CFAP46: variants seen among roughly 807,000 people sequenced by gnomAD.
CFAP46 encodes the protein cilia- and flagella-associated protein 46.
A neutral mutation model predicts 325.7 loss-of-function variants in CFAP46; 245 were observed. The observed-to-expected ratio is 0.75, with a 90% CI of 0.68 to 0.84. The LOEUF (loss-of-function observed/expected upper bound fraction) is 0.84. Ranked by LOEUF, CFAP46 falls within the 40% of genes least tolerant of loss-of-function variation. The pLI, the probability that CFAP46 is intolerant of heterozygous loss-of-function variation, is 0.00. For missense variants in CFAP46, 3,346 were observed against 3,543.0 expected, an observed-to-expected ratio of 0.94 and a Z score of 1.41; for synonymous variants, 1,523 against 1,495.9, an observed-to-expected ratio of 1.02 and a Z score of -0.42.
intron 29 of CFAP46, among the ~76,000 whole-genome samples, chr10:132,878,962 G>C (rs937233100): frequency 2.6e-5 from 4 of 152,210 alleles, no homozygotes. Context: ...GACAAGGAGG[G>C]GGGTGGGAGT....
rs140904273 is a variant in CFAP46 at position 132,808,823 on chromosome 10, A to G, written c.7746T>C (p.Pro2582=). ...RAPSHHAQLG[P]VWAAAPSHRV... ...GATGGCTTGGTGCGGCAGCCCATACAGGACCAAGTTGAGCGTGGTGGGAAG... is the reference window on the plus strand; with the variant it reads ...GATGGCTTGGTGCGGCAGCCCATACGGGACCAAGTTGAGCGTGGTGGGAAG... Residue 2582 remains proline (P), a synonymous_variant, in exon 58 of 58, where the codon CCT becomes CCC. Coordinates refer to ENST00000368586, the MANE Select transcript of CFAP46 (RefSeq NM_001200049.3). The surrounding 1 kb of genome is among the most constrained non-coding windows in gnomAD (Gnocchi z 6.8). The G allele has an allele frequency of 3.1e-6, 5 of 1,607,510 alleles. No homozygotes were observed. Among genetic ancestry groups the G allele is most frequent in the East Asian group, 2.2e-5 (1 of 44,692 alleles).
chr10:132,824,170 GTGTGAGCGCTGA>G (rs1847974628), intron 50 of CFAP46, among the ~76,000 whole-genome samples: 1 of 141,706 alleles, frequency 7.1e-6, no homozygotes, highest in Non-Finnish European at 1.5e-5. Flanking sequence ...GCTGTGTGCT[GTGTGAGCGCTGA>G]TGTGTGCTGT....
intron 39 of CFAP46, among the ~76,000 whole-genome samples, chr10:132,852,382 A>C (rs111261878): frequency 3.7e-5 from 3 of 81,466 alleles, no homozygotes; most frequent in Non-Finnish European, 8.3e-5. Flanking sequence ...TTACTTAAGA[A>C]TTCTCAGATC....
chr10:132,872,424 AT>A, intron 32 of CFAP46: 1 of 446,166 alleles, frequency 2.2e-6, no homozygotes, highest in African/African-American at 2.0e-5. Flanking sequence ...TGGCTAATAT[AT>A]TTTTTAAATT....
chr10:132,892,144 T>A (rs11597993), intron 25 of CFAP46, among the ~76,000 whole-genome samples, 189 bp downstream of exon 25: 1 of 152,326 alleles, frequency 6.6e-6, no homozygotes, highest in East Asian at 1.9e-4. Flanking sequence ...GGGAATTTCA[T>A]GGGCTCATTC....
At chr10:132,921,826 G>A (rs1472999015) in intron 13 of CFAP46, among the ~76,000 whole-genome samples, 2 of 152,242 alleles carry the variant, frequency 1.3e-5, no homozygotes, top group South Asian at 2.1e-4. Context: ...TTCCAGCCTG[G>A]GGCTGGGAGG....
At chr10:132,867,633 A>G (rs1848836037) in intron 33 of CFAP46, 126 bp from the exon 34 acceptor site, 7 of 1,258,494 alleles carry the variant, frequency 5.6e-6, no homozygotes, top group East Asian at 2.6e-5. Context: ...GTTTACAAAG[A>G]TTTTTAAAAA....
chr10:132,897,351 C>T (rs149697175), intron 24 of CFAP46, among the ~76,000 whole-genome samples: 192 of 152,346 alleles, frequency 1.3e-3, no homozygotes, highest in African/African-American at 4.4e-3. Flanking sequence ...ACTTGCAAAT[C>T]AGGTATCTGC....
In CFAP46 at chr10:132,908,539, G is replaced by A. The variant is rs1849492912; in HGVS notation, c.2853C>T (p.Asp951=). 6.4e-7 allele frequency: 1 copy of A among 1,550,452 alleles called. No homozygotes were observed. Among genetic ancestry groups the A allele is most frequent in the African/African-American group, 1.4e-5 (1 of 73,066 alleles). The change falls in exon 22 of 58, where the codon GAC becomes GAT. Residue 951 remains aspartate (D), a synonymous_variant. Coordinates refer to ENST00000368586, the MANE Select transcript of CFAP46 (RefSeq NM_001200049.3). Reference sequence around the variant, plus strand: ...GAGCACAGGCCATGGTGGTCTCATGGTCACGCGCTGCATGGGCGAAGTGGG... The same window carrying A: ...GAGCACAGGCCATGGTGGTCTCATGATCACGCGCTGCATGGGCGAAGTGGG... ...RLTHFAHAAR[D]HETTMACAHR... is the part of the protein sequence containing the mutation.
chr10:132,810,382 G>T (rs531807615), intron 57 of CFAP46, 27 bp downstream of exon 57: 2 of 1,606,472 alleles, frequency 1.2e-6, no homozygotes, highest in African/African-American at 1.3e-5. Context: ...GCTGAAGGCC[G>T]CGGGGTGCAG....
At chr10:132,831,016 C>A (rs1359054898) in intron 50 of CFAP46, among the ~76,000 whole-genome samples, 2 of 152,164 alleles carry the variant, frequency 1.3e-5, no homozygotes, top group Non-Finnish European at 2.9e-5. Context: ...AAATTTCCCT[C>A]CTTTTAATTT....
chr10:132,862,217 G>A (rs1261453601), intron 35 of CFAP46, among the ~76,000 whole-genome samples: 3 of 152,196 alleles, frequency 2.0e-5, no homozygotes, highest in Non-Finnish European at 4.4e-5. Flanking sequence ...CCTCTGAGGA[G>A]GGAAGAGGGG....
At chr10:132,896,865 A>G (rs1849327954) in intron 24 of CFAP46, among the ~76,000 whole-genome samples, 2 of 152,218 alleles carry the variant, frequency 1.3e-5, no homozygotes. Flanking sequence ...TTGGAAACAT[A>G]TGACAAAGCT....
In CFAP46 at chr10:132,939,961, A is replaced by G. The variant is rs1850071156; in HGVS notation, c.371+1035T>C. Among the ~76,000 whole-genome samples, 1 of 152,104 alleles carries G rather than the reference A, an allele frequency of 6.6e-6. No individual in the cohort carries two copies. Among genetic ancestry groups the G allele is most frequent in the Non-Finnish European group, 1.5e-5 (1 of 67,990 alleles). On this transcript the variant is annotated intron_variant, in intron 4 of 57. Transcript: ENST00000368586. This position sits in a 1 kb window ranked among gnomAD's most constrained non-coding sequence, Gnocchi z 4.6. ...CCAAAGATGGTCCTGACCTCTGGCA[A>G]GGCTCTGTCACCCCCTGACCCGTCC... is the stretch of plus-strand genomic sequence containing the variant.
chr10:132,813,090 C>T (rs963772635), intron 54 of CFAP46, among the ~76,000 whole-genome samples, 193 bp from the exon 55 acceptor site: 1 of 152,140 alleles, frequency 6.6e-6, no homozygotes, highest in Non-Finnish European at 1.5e-5. Flanking sequence ...CACGGCGGAG[C>T]CTAGTCAAGG....
Position 132,814,720 on chromosome 10 carries a change from A to AG in CFAP46, c.7214dup (p.Asp2406Ter), listed in dbSNP as rs1344439240. The AG allele has an allele frequency of 1.9e-6, 3 of 1,612,826 alleles. No homozygotes were observed. The highest frequency in any genetic ancestry group is 2.2e-5 in the East Asian group (1 of 44,884). ...TGTCTGAGTCGACTATGATGCAGTC[A>AG]GGGGGGATGGTCCGGGGGATGCTGC... On this transcript the variant is annotated frameshift_variant, in exon 52 of 58. Coordinates refer to ENST00000368586, the MANE Select transcript of CFAP46 (RefSeq NM_001200049.3). LOFTEE classifies it high-confidence loss of function.
Position 132,919,858 on chromosome 10 carries a change from G to A in CFAP46, c.1730+201C>T, listed in dbSNP as rs924118369. 2.6e-5 allele frequency among the ~76,000 whole-genome samples: 4 copies of A among 152,160 alleles called. No homozygotes were observed. Among genetic ancestry groups the A allele is most frequent in the African/African-American group, 9.7e-5 (4 of 41,450 alleles). On this transcript the variant is annotated intron_variant, in intron 14 of 57. Coordinates refer to ENST00000368586, the MANE Select transcript of CFAP46 (RefSeq NM_001200049.3). The surrounding 1 kb of genome is among the most constrained non-coding windows in gnomAD (Gnocchi z 9.7). ...GCAGCCGCACACCTCATAGGCCGTG[G>A]CTGTCATCACAGGCTGGGGGGTCCC...
At position 132,825,966 on chromosome 10, in the gene CFAP46, A is replaced by G. The variant is rs927659134; in HGVS notation, c.7117+7392T>C. On this transcript the variant is annotated intron_variant, in intron 50 of 57. Coordinates refer to ENST00000368586, the MANE Select transcript of CFAP46 (RefSeq NM_001200049.3). ...TGGAACACGGCCGGCCACAGAGACC[A>G]GCCACGGAGCCAGGCAGGAACCAGA... is the stretch of plus-strand genomic sequence containing the variant. Among the ~76,000 whole-genome samples, 7 of 152,236 alleles carry G rather than the reference A, an allele frequency of 4.6e-5. No individual in the cohort carries two copies. The South Asian group carries it at 1.0e-3, about 23-fold the overall frequency.
chr10:132,913,115 C>T lies in CFAP46; in HGVS notation c.2264G>A (p.Gly755Glu). Residue 755 changes from glycine to glutamate, a missense_variant, in exon 18 of 58, where the codon GGG becomes GAG. Gly to Glu is a moderately conservative substitution (Grantham distance 98, BLOSUM62 -2). Coordinates refer to ENST00000368586, the MANE Select transcript of CFAP46 (RefSeq NM_001200049.3). Reference sequence around the variant, plus strand: ...GGCGTCCACCAGCTCCTTCTGCCGCCCGGCCAGGATCAGGTGGTGGTTGTG... The same window carrying T: ...GGCGTCCACCAGCTCCTTCTGCCGCTCGGCCAGGATCAGGTGGTGGTTGTG... ...LNHNHHLILA[G>E]RQKELVDALY... 1 of 1,550,440 alleles carries T rather than the reference C, an allele frequency of 6.4e-7. No individual in the cohort carries two copies. The highest frequency in any genetic ancestry group is 8.7e-7 in the Non-Finnish European group (1 of 1,147,008).
Sources: allele counts gnomAD v4.1 joint callset (sites outside exome capture counted in the v4.1 genomes callset), GRCh38; gene constraint gnomAD v4.1.1; non-coding constraint Gnocchi (gnomAD v3.1); transcripts MANE v1.5; gene names NCBI Gene and HGNC (gene_info 2026-07-23, HGNC 2026-07-21).